Variants in GLI3 observed in about 807,000 individuals in gnomAD.
GLI3 encodes the protein GLI family zinc finger 3.
GLI3 carries 20 observed loss-of-function variants against 100.8 expected under a neutral mutation model. The ratio of observed to expected loss-of-function variants is 0.20; its 90% confidence interval spans 0.14 to 0.29. The LOEUF is 0.29. Ranked by LOEUF, GLI3 falls within the 10% of genes least tolerant of loss-of-function variation. The pLI, the probability that GLI3 is intolerant of heterozygous loss-of-function variation, is 1.00. For missense variants in GLI3, 2,040 were observed against 2,128.5 expected (o/e 0.96, Z 0.82); for synonymous variants, 938 against 860.5 (o/e 1.09, Z -1.58).
chr7:42,075,986 G>GT (rs769700376), intron 4 of GLI3, among the ~76,000 whole-genome samples: 32 of 152,130 alleles, frequency 2.1e-4, no homozygotes, highest in Non-Finnish European at 4.4e-4. Context: ...TCAGAATAAA[G>GT]GGTGATTATT....
At chr7:42,117,256 C>A in intron 3 of GLI3, among the ~76,000 whole-genome samples, 1 of 152,224 alleles carries the variant, frequency 6.6e-6, no homozygotes, top group Middle Eastern at 3.4e-3. Flanking sequence ...GGAAATGATA[C>A]CAGCAAAAAG....
chr7:42,108,017 C>G (rs1159723773), intron 3 of GLI3, among the ~76,000 whole-genome samples: 1 of 152,144 alleles, frequency 6.6e-6, no homozygotes, highest in East Asian at 1.9e-4. Context: ...TGCTTTTCAA[C>G]CAAATTTATT....
At chr7:42,016,327 T>C (rs1408244561) in intron 10 of GLI3, among the ~76,000 whole-genome samples, 1 of 152,086 alleles carries the variant, frequency 6.6e-6, no homozygotes, top group African/African-American at 2.4e-5. Context: ...CAGTGTTTCA[T>C]GAACTGGGGG....
intron 4 of GLI3, among the ~76,000 whole-genome samples, chr7:42,049,724 ACCT>A (rs1169318980): frequency 6.6e-6 from 1 of 152,038 alleles, no homozygotes; most frequent in African/African-American, 2.4e-5. Context: ...AGTCTGCATA[ACCT>A]CCTGGACCAC....
At chr7:41,997,898 GA>G (rs1788171149) in intron 10 of GLI3, among the ~76,000 whole-genome samples, 2 of 152,162 alleles carry the variant, frequency 1.3e-5, no homozygotes, top group African/African-American at 4.8e-5. Context: ...CAGATGCACT[GA>G]AAAGATTTTC....
chr7:42,191,655 A>T (rs547843129), intron 2 of GLI3, among the ~76,000 whole-genome samples: 87 of 148,742 alleles, frequency 5.8e-4, no homozygotes, highest in South Asian at 3.0e-3. Context: ...CGTTTCAAAA[A>T]ATATATATAT....
At chr7:42,236,410 A>C (rs1207340032) in intron 1 of GLI3, among the ~76,000 whole-genome samples, 1 of 152,192 alleles carries the variant, frequency 6.6e-6, no homozygotes, top group Non-Finnish European at 1.5e-5. Flanking sequence ...TATGACGACG[A>C]AGGCGCGCCT....
chr7:42,100,815 G>C (rs1167386116), intron 3 of GLI3, among the ~76,000 whole-genome samples: 1 of 152,180 alleles, frequency 6.6e-6, no homozygotes, highest in Non-Finnish European at 1.5e-5. Context: ...GAGGCAGAGA[G>C]TGATGCTGCC....
chr7:41,965,382 G>A lies in GLI3; in HGVS notation c.3691C>T (p.Leu1231Phe). ...NPYGGPEHLMLHNSPGSGTSG... is the reference protein window; with the variant it reads ...NPYGGPEHLMFHNSPGSGTSG... ...GTGCCACTTCCGGGGCTGTTGTGGAGCATCAAGTGCTCTGGGCCACCGTAG... is the reference window on the plus strand; with the variant it reads ...GTGCCACTTCCGGGGCTGTTGTGGAACATCAAGTGCTCTGGGCCACCGTAG... The change falls in exon 15 of 15, where the codon CTC becomes TTC. Residue 1231 changes from leucine to phenylalanine, a missense_variant. This residue lies in a region of GLI3 where 1,041 missense variants were observed against 924.0 expected (regional missense o/e 1.13). Transcript: ENST00000395925. The A allele has an allele frequency of 1.2e-6, 2 of 1,612,532 alleles. No individual in the cohort carries two copies. The highest frequency in any genetic ancestry group is 2.2e-5 in the East Asian group (1 of 44,840).
At chr7:42,187,224 A>T (rs1369440008) in intron 2 of GLI3, among the ~76,000 whole-genome samples, 1 of 151,986 alleles carries the variant, frequency 6.6e-6, no homozygotes, top group Non-Finnish European at 1.5e-5. Context: ...AAAAAAAAAA[A>T]AACATGAAGA....
At chr7:42,130,061 C>A (rs536214259) in intron 3 of GLI3, among the ~76,000 whole-genome samples, 1 of 152,280 alleles carries the variant, frequency 6.6e-6, no homozygotes, top group African/African-American at 2.4e-5. Context: ...AAGAGTCACA[C>A]CAGCTCTAAC....
At chr7:42,213,441 T>C (rs568052174) in intron 2 of GLI3, among the ~76,000 whole-genome samples, 1 of 152,284 alleles carries the variant, frequency 6.6e-6, no homozygotes, top group African/African-American at 2.4e-5. Flanking sequence ...TCTAATTGAG[T>C]TTCGTGACTG....
chr7:42,249,480 C>T (rs1240848670), intron 1 of GLI3, among the ~76,000 whole-genome samples: 1 of 152,100 alleles, frequency 6.6e-6, no homozygotes, highest in Non-Finnish European at 1.5e-5. Context: ...ATTTGTTAAC[C>T]TGTCTTAGTG....
chr7:42,072,053 C>T (rs536008303), intron 4 of GLI3, among the ~76,000 whole-genome samples: 3 of 152,062 alleles, frequency 2.0e-5, no homozygotes, highest in Admixed American at 6.6e-5. Context: ...AGCTGGTTTT[C>T]GAAAGTGGAT....
rs1223079827 is a variant in GLI3, at chr7:41,964,157, A to T, written c.*173T>A. 1.7e-6 allele frequency: 1 copy of T among 585,376 alleles called. No individual in the cohort carries two copies. The highest frequency in any genetic ancestry group is 3.0e-6 in the Non-Finnish European group (1 of 332,130). 36.3% of individuals were successfully genotyped at this position (585,376 alleles called of 1,614,324 possible). A position where few individuals can be genotyped will look rare whatever the true frequency, so the allele number is the denominator to read the frequency against. ...AGACAGTTTCTCCCTAGAATACTTT[A>T]GGGTTTTTCAGAGTCCTTTTCCATA... is the stretch of plus-strand genomic sequence containing the variant. On this transcript the variant is annotated 3_prime_UTR_variant, in exon 15 of 15. Transcript: ENST00000395925.
intron 10 of GLI3, among the ~76,000 whole-genome samples, chr7:41,992,099 T>C (rs1231410447): frequency 6.6e-6 from 1 of 152,126 alleles, no homozygotes; most frequent in Non-Finnish European, 1.5e-5. Context: ...TTATAAAAGG[T>C]AACTCTGGCA....
chr7:42,111,303 A>C (rs1785700529), intron 3 of GLI3, among the ~76,000 whole-genome samples: 1 of 152,206 alleles, frequency 6.6e-6, no homozygotes, highest in South Asian at 2.1e-4. Flanking sequence ...AGATCTGCTC[A>C]GGTGAGGCAA....
At chr7:42,107,828 C>CTGTGTTTTGTTTCCATTTTGTT in intron 3 of GLI3, among the ~76,000 whole-genome samples, 1 of 152,320 alleles carries the variant, frequency 6.6e-6, no homozygotes, top group East Asian at 1.9e-4. Flanking sequence ...GCAACGCGAC[C>CTGTGTTTTGTTTCCATTTTGTT]TGTGTTTTGT....
At chr7:42,057,465 T>A (rs1402664310) in intron 4 of GLI3, among the ~76,000 whole-genome samples, 2 of 152,224 alleles carry the variant, frequency 1.3e-5, no homozygotes, top group African/African-American at 4.8e-5. Flanking sequence ...ATTCCAGCAA[T>A]CCTTTTCTTT....
Sources: allele counts gnomAD v4.1 joint callset (sites outside exome capture counted in the v4.1 genomes callset), GRCh38; gene constraint gnomAD v4.1.1; regional missense constraint gnomAD v4.1.1; transcripts MANE v1.5; gene names NCBI Gene and HGNC (gene_info 2026-07-23, HGNC 2026-07-21).